The following ZNF10 variants were observed in gnomAD, a reference collection of about 807,000 sequenced individuals.
ZNF10 encodes zinc finger protein 10 (KOX 1).
Under a neutral mutation model 12.2 loss-of-function variants are expected in ZNF10, and 8 were observed. The observed-to-expected ratio is 0.66, with a 90% CI of 0.39 to 1.18. The LOEUF is 1.18. ZNF10 is among the 50% of genes most tolerant of loss of function. ZNF10 has a pLI of 0.01. For synonymous variants in ZNF10, 229 were observed against 228.2 expected, an observed-to-expected ratio of 1.00 and a Z score of -0.03; for missense variants, 603 against 678.9, an observed-to-expected ratio of 0.89 and a Z score of 1.24.
At chr12:133,135,476 T>C (rs1955905536) in intron 1 of ZNF10, among the ~76,000 whole-genome samples, 1 of 152,334 alleles carries the variant, frequency 6.6e-6, no homozygotes, top group East Asian at 1.9e-4. Flanking sequence ...GACTTCGTTA[T>C]ATGAGCTGAG....
intron 1 of ZNF10, among the ~76,000 whole-genome samples, chr12:133,142,192 G>A (rs995313599): frequency 1.3e-5 from 2 of 152,290 alleles, no homozygotes; most frequent in East Asian, 3.9e-4. Context: ...GGAGGCCGAG[G>A]CGGGCAGATC....
intron 1 of ZNF10, among the ~76,000 whole-genome samples, chr12:133,137,761 C>G (rs191109292): frequency 6.6e-6 from 1 of 152,220 alleles, no homozygotes; most frequent in East Asian, 1.9e-4. Context: ...TATAAGTGTT[C>G]GGTAGAGATT....
chr12:133,146,778 A>G (rs1955978564), intron 2 of ZNF10, among the ~76,000 whole-genome samples: 1 of 152,002 alleles, frequency 6.6e-6, no homozygotes, highest in South Asian at 2.1e-4. Flanking sequence ...CTCAGGGAAC[A>G]GAGGTTGCAC....
Position 133,158,253 on chromosome 12 carries a change from G to A in ZNF10, c.*1285G>A, listed in dbSNP as rs951342581. The A allele has an allele frequency of 6.6e-6, 1 of 152,182 alleles. No individual in the cohort carries two copies. Among genetic ancestry groups the A allele is most frequent in the African/African-American group, 2.4e-5 (1 of 41,458 alleles). The allele number at this position is 152,182 out of a possible 1,614,324, so 9.4% of individuals were successfully genotyped here. On this transcript the variant is annotated 3_prime_UTR_variant, in exon 5 of 5. Transcript: ENST00000248211. ...GTGCCTGACATATATTATGTTCTCT[G>A]TAGTTACTGGCTGTGATTATTAATA...
chr12:133,147,587 G>C (rs1030674824), intron 2 of ZNF10, among the ~76,000 whole-genome samples: 1 of 145,976 alleles, frequency 6.9e-6, no homozygotes, highest in Non-Finnish European at 1.5e-5. Context: ...TGCTCAGTAA[G>C]AAAACTAGTC....
intron 4 of ZNF10, among the ~76,000 whole-genome samples, chr12:133,153,348 G>A (rs1298940361): frequency 6.6e-6 from 1 of 152,038 alleles, no homozygotes; most frequent in African/African-American, 2.4e-5. Context: ...TAACTTACTG[G>A]CATGGTTGTA....
In ZNF10 at chr12:133,130,732, A is replaced by AGTT. The variant is rs1955869225; in HGVS notation, c.-82_-81insGTT. ...GTGACGGGATCGCTTTCTCCCATCG[A>AGTT]ACCTTCTAGTTGCTTATTGCAGGTA... On this transcript the variant is annotated 5_prime_UTR_variant, in exon 1 of 5. Coordinates refer to ENST00000248211, the MANE Select transcript of ZNF10 (RefSeq NM_015394.5). 1 of 152,486 alleles carries AGTT rather than the reference A, an allele frequency of 6.6e-6. No homozygotes were observed. The highest frequency in any genetic ancestry group is 1.5e-5 in the Non-Finnish European group (1 of 68,120). The allele number at this position is 152,486 out of a possible 1,614,324, so 9.4% of individuals were successfully genotyped here.
chr12:133,152,666 T>G (rs1160093094), intron 4 of ZNF10, among the ~76,000 whole-genome samples: 1 of 152,240 alleles, frequency 6.6e-6, no homozygotes, highest in East Asian at 1.9e-4. Flanking sequence ...TCCGCCCACC[T>G]CGGCCTTCCA....
At chr12:133,152,830 C>T (rs1271403502) in intron 4 of ZNF10, among the ~76,000 whole-genome samples, 2 of 152,166 alleles carry the variant, frequency 1.3e-5, no homozygotes, top group African/African-American at 4.8e-5. Context: ...TGTAATTTAG[C>T]CTCAAGTTCT....
chr12:133,149,902 G>A (rs1955997827), intron 2 of ZNF10, among the ~76,000 whole-genome samples: 1 of 151,920 alleles, frequency 6.6e-6, no homozygotes, highest in Non-Finnish European at 1.5e-5. Flanking sequence ...AATACTTGCT[G>A]TAGGGATTAG....
At chr12:133,131,334 A>ATTTGAATTAAAAT (rs61266479) in intron 1 of ZNF10, among the ~76,000 whole-genome samples, 91,550 of 151,666 alleles carry the variant, frequency 0.6, 28,629 homozygotes, top group African/African-American at 0.73. Flanking sequence ...TTGACACTAG[A>ATTTGAATTAAAAT]TATATATACG....
At chr12:133,140,626 G>A (rs190346147) in intron 1 of ZNF10, among the ~76,000 whole-genome samples, 9 of 151,690 alleles carry the variant, frequency 5.9e-5, no homozygotes, top group Admixed American at 3.9e-4. Context: ...CTATTCTCTC[G>A]TATTCCATCT....
Position 133,155,629 on chromosome 12 carries a change from A to T in ZNF10, c.383A>T (p.Glu128Val), listed in dbSNP as rs765279168. ...RNDLWYLSLE[E>V]VWKCRDQLDK... ...GATCTCTGGTATTTGTCATTAGAAG[A>T]AGTCTGGAAATGTAGAGACCAGTTA... Residue 128 changes from glutamate to valine, a missense_variant, in exon 5 of 5, where the codon GAA (glutamate) becomes GTA (valine). This residue lies in a region of ZNF10 where 393 missense variants were observed against 399.7 expected (regional missense o/e 0.98). Coordinates refer to ENST00000248211, the MANE Select transcript of ZNF10 (RefSeq NM_015394.5). The T allele has an allele frequency of 6.2e-7, 1 of 1,614,090 alleles. No homozygotes were observed. Among genetic ancestry groups the T allele is most frequent in the Non-Finnish European group, 8.5e-7 (1 of 1,179,988 alleles).
intron 2 of ZNF10, among the ~76,000 whole-genome samples, chr12:133,145,785 T>A (rs1955972057): frequency 6.6e-6 from 1 of 151,070 alleles, no homozygotes; most frequent in Non-Finnish European, 1.5e-5. Flanking sequence ...AGCCCGCGTG[T>A]CAGAGCAAAA....
intron 2 of ZNF10, among the ~76,000 whole-genome samples, chr12:133,145,962 A>G (rs1236978331): frequency 6.6e-6 from 1 of 152,218 alleles, no homozygotes; most frequent in African/African-American, 2.4e-5. Context: ...CTCTGTGTTC[A>G]CAGTAAAAGT....
Position 133,151,243 on chromosome 12 carries a change from G to T in ZNF10, c.160+89G>T. ...AAGCATGTATCACACCAGAGTATAG[G>T]CTTGGCGTTCAGAGACCTAATTTCT... On this transcript the variant is annotated intron_variant, in intron 3 of 4. Transcript: ENST00000248211. The T allele has an allele frequency of 2.3e-6, 3 of 1,315,092 alleles. No individual in the cohort carries two copies. In the Admixed American group the frequency reaches 7.4e-5, roughly 33 times the overall value. 81.5% of individuals were successfully genotyped at this position (1,315,092 alleles called of 1,614,324 possible).
Position 133,135,480 on chromosome 12 carries a change from A to G in ZNF10, c.-60+4726A>G, listed in dbSNP as rs142447405. ...CAGTGTTCCAGGACTTCGTTATATG[A>G]GCTGAGCCTACCTTGCCTTCTCATC... On this transcript the variant is annotated intron_variant, in intron 1 of 4. Transcript: ENST00000248211. Among the ~76,000 whole-genome samples, 7 of 152,266 alleles carry G rather than the reference A, an allele frequency of 4.6e-5. No homozygotes were observed. The East Asian group carries it at 1.4e-3, about 29-fold the overall frequency.
Position 133,138,387 on chromosome 12 carries a change from T to TA in ZNF10, c.-59-6032dup, listed in dbSNP as rs139776989. Among the ~76,000 whole-genome samples the TA allele has an allele frequency of 8.1e-3, 1,141 of 140,344 alleles. 15 individuals carry two copies. Among genetic ancestry groups the TA allele is most frequent in the Admixed American group, 0.022 (311 of 13,996 alleles). 92.1% of individuals were successfully genotyped at this position (140,344 alleles called of 152,430 possible). A position where few individuals can be genotyped will look rare whatever the true frequency, so the allele number is the denominator to read the frequency against. ...TGACCAGAAATTTTGAGACCCTGTC[T>TA]AAAAAAAAAAAAAAATTAGCCAAGT... is the stretch of plus-strand genomic sequence containing the variant. On this transcript the variant is annotated intron_variant, in intron 1 of 4. Coordinates refer to ENST00000248211, the MANE Select transcript of ZNF10 (RefSeq NM_015394.5).
At chr12:133,148,554 A>AT (rs1955989131) in intron 2 of ZNF10, among the ~76,000 whole-genome samples, 4 of 152,046 alleles carry the variant, frequency 2.6e-5, no homozygotes, top group Non-Finnish European at 5.9e-5. Context: ...AGGATTTGAA[A>AT]TTTTTTTGCA....
Sources: allele counts gnomAD v4.1 joint callset (sites outside exome capture counted in the v4.1 genomes callset), GRCh38; gene constraint gnomAD v4.1.1; regional missense constraint gnomAD v4.1.1; transcripts MANE v1.5; gene names NCBI Gene and HGNC (gene_info 2026-07-23, HGNC 2026-07-21).